Variants in COP1 observed in about 807,000 individuals in gnomAD.
COP1 encodes the protein E3 ubiquitin-protein ligase COP1.
In COP1, 24 loss-of-function variants were observed where a neutral mutation model predicts 101.3. That is an observed-to-expected ratio of 0.24 (90% CI 0.17 to 0.33). The LOEUF (loss-of-function observed/expected upper bound fraction) is 0.33. COP1 is among the 10% of genes least tolerant of loss of function. The pLI is 1.00. For synonymous variants in COP1, 347 were observed against 341.9 expected, an observed-to-expected ratio of 1.01 and a Z score of -0.17; for missense variants, 663 against 906.2, an observed-to-expected ratio of 0.73 and a Z score of 3.45.
At chr1:176,067,608 C>A (rs1025088433) in intron 11 of COP1, among the ~76,000 whole-genome samples, 1 of 152,086 alleles carries the variant, frequency 6.6e-6, no homozygotes, top group Non-Finnish European at 1.5e-5. Context: ...CTCCTTCTGG[C>A]CTCTCCATCA....
intron 14 of COP1, among the ~76,000 whole-genome samples, chr1:176,041,189 G>C (rs1173994241): frequency 6.6e-6 from 1 of 152,006 alleles, no homozygotes; most frequent in Non-Finnish European, 1.5e-5. Context: ...TTATTTGGTG[G>C]TATATCTATC....
rs1029837894 is a variant in COP1 at position 176,076,736 on chromosome 1, GA to G, written c.1277+4415del. Among the ~76,000 whole-genome samples the G allele has an allele frequency of 4.7e-5, 7 of 148,882 alleles. No homozygotes were observed. The East Asian group carries it at 9.8e-4, about 21-fold the overall frequency. On this transcript the variant is annotated intron_variant, in intron 11 of 19. Coordinates refer to ENST00000367669, the MANE Select transcript of COP1 (RefSeq NM_022457.7). ...ATAAACCACTAACAAGATTAACAAA[GA>G]AAAAAAAAGAGAAGATCAAAATAAG...
At chr1:176,176,707 G>A (rs1340293069) in intron 2 of COP1, among the ~76,000 whole-genome samples, 1 of 151,982 alleles carries the variant, frequency 6.6e-6, no homozygotes, top group Non-Finnish European at 1.5e-5. Flanking sequence ...TACTGGGAGG[G>A]TGAGGCAGGA....
chr1:176,046,518 T>A (rs900797691), intron 11 of COP1, among the ~76,000 whole-genome samples, 194 bp from the exon 12 acceptor site: 1 of 152,026 alleles, frequency 6.6e-6, no homozygotes, highest in Non-Finnish European at 1.5e-5. Context: ...ACTTTTAATA[T>A]ATACATTTGT....
intron 9 of COP1, among the ~76,000 whole-genome samples, chr1:176,092,558 C>T (rs1262613838): frequency 6.6e-6 from 1 of 151,984 alleles, no homozygotes; most frequent in Non-Finnish European, 1.5e-5. Context: ...ACTTGAAATG[C>T]CATTTCACAA....
chr1:176,114,367 C>A (rs1197741216), intron 9 of COP1, among the ~76,000 whole-genome samples: 1 of 151,930 alleles, frequency 6.6e-6, no homozygotes, highest in African/African-American at 2.4e-5. Context: ...ACAGAGTAGT[C>A]ACATAAACTA....
intron 9 of COP1, among the ~76,000 whole-genome samples, chr1:176,103,601 C>T (rs575827907): frequency 5.1e-4 from 77 of 152,304 alleles, no homozygotes; most frequent in Admixed American, 1.5e-3. Context: ...TTCTTTTGAG[C>T]ACCATATCAC....
intron 11 of COP1, among the ~76,000 whole-genome samples, chr1:176,050,979 A>G (rs1248401032): frequency 6.6e-6 from 1 of 152,244 alleles, no homozygotes; most frequent in African/African-American, 2.4e-5. Context: ...ATAATAACAC[A>G]GAATAATAAT....
intron 14 of COP1, among the ~76,000 whole-genome samples, chr1:176,032,612 G>T (rs551177628): frequency 6.6e-6 from 1 of 152,090 alleles, no homozygotes; most frequent in African/African-American, 2.4e-5. Flanking sequence ...CACTCAACAT[G>T]ACTTTTGGCA....
intron 15 of COP1, among the ~76,000 whole-genome samples, chr1:176,010,280 G>A (rs1441494808): frequency 1.3e-5 from 2 of 151,870 alleles, no homozygotes; most frequent in Non-Finnish European, 2.9e-5. Context: ...CCTTTCCTAT[G>A]TACACAATAT....
At chr1:176,169,258 C>G (rs1170591931) in intron 3 of COP1, among the ~76,000 whole-genome samples, 2 of 152,124 alleles carry the variant, frequency 1.3e-5, no homozygotes, top group Non-Finnish European at 2.9e-5. Context: ...ATACCACACA[C>G]CTTGGTAAAC....
At chr1:176,087,353 T>A (rs1680408820) in intron 9 of COP1, among the ~76,000 whole-genome samples, 1 of 152,194 alleles carries the variant, frequency 6.6e-6, no homozygotes. Context: ...TTTTGCAATC[T>A]ATTCATCTGA....
chr1:175,994,181 G>A (rs566810557), intron 15 of COP1, among the ~76,000 whole-genome samples: 4 of 152,136 alleles, frequency 2.6e-5, no homozygotes, highest in Admixed American at 6.5e-5. Context: ...ATACTTTACA[G>A]ACAAACAAAT....
intron 15 of COP1, among the ~76,000 whole-genome samples, chr1:176,002,542 T>G (rs1474644616): frequency 7.9e-6 from 1 of 126,702 alleles, no homozygotes; most frequent in East Asian, 2.7e-4. Flanking sequence ...GAGCGTGATA[T>G]TCCCCTTCCT....
intron 15 of COP1, among the ~76,000 whole-genome samples, chr1:176,010,428 C>T (rs1010810067): frequency 5.3e-5 from 8 of 152,078 alleles, no homozygotes; most frequent in Non-Finnish European, 1.2e-4. Flanking sequence ...TATTTAGTTG[C>T]CATGTCTCTG....
intron 5 of COP1, among the ~76,000 whole-genome samples, chr1:176,159,935 G>A (rs1694040484): frequency 6.6e-6 from 1 of 152,108 alleles, no homozygotes; most frequent in Non-Finnish European, 1.5e-5. Context: ...TTAAAACTAG[G>A]AAGGAGTATT....
At chr1:176,115,037 A>G (rs1685945113) in intron 9 of COP1, among the ~76,000 whole-genome samples, 1 of 152,262 alleles carries the variant, frequency 6.6e-6, no homozygotes, top group African/African-American at 2.4e-5. Context: ...AATGAGAATG[A>G]TAAAACAAAT....
intron 11 of COP1, among the ~76,000 whole-genome samples, chr1:176,076,711 A>G (rs2149376621): frequency 6.6e-6 from 1 of 152,264 alleles, no homozygotes; most frequent in East Asian, 1.9e-4. Context: ...AGCAAGACTG[A>G]TAAACCACTA....
chr1:176,010,942 T>A (rs762073124), intron 15 of COP1, among the ~76,000 whole-genome samples: 5 of 152,178 alleles, frequency 3.3e-5, no homozygotes, highest in African/African-American at 7.2e-5. Context: ...ATTTCCTCAG[T>A]GGTGGTAGGA....
Sources: gnomAD v4.1 joint callset for allele counts (sites outside exome capture counted in the v4.1 genomes callset) on GRCh38, gnomAD v4.1.1 for gene constraint, MANE v1.5 for transcripts, NCBI Gene and HGNC (gene_info 2026-07-23, HGNC 2026-07-21) for gene names.